The following REDIC1 variants were observed in gnomAD, a reference collection of about 807,000 sequenced individuals.
The protein encoded by REDIC1 is regulator of DNA class I crossover intermediates 1, also known as HEI10 Interacting Protein 1.
chr12:39,879,162 A>G, the REDIC1 span, among the ~76,000 whole-genome samples: 1 of 152,224 alleles, frequency 6.6e-6, no homozygotes, highest in African/African-American at 2.4e-5. Flanking sequence ...AAGATTTTGG[A>G]GGATGCGTGA....
chr12:39,886,690 T>C, the REDIC1 span, among the ~76,000 whole-genome samples: 2 of 152,324 alleles, frequency 1.3e-5, no homozygotes, highest in South Asian at 4.1e-4. Context: ...GAAATGCCCT[T>C]TTCATTTCCT....
the REDIC1 span, among the ~76,000 whole-genome samples, chr12:39,880,326 T>C: frequency 6.6e-6 from 1 of 152,222 alleles, no homozygotes; most frequent in Admixed American, 6.5e-5. Context: ...TTACTCAAGA[T>C]ACAAACATCT....
chr12:39,858,428 AT>A, the REDIC1 span, among the ~76,000 whole-genome samples: 1 of 152,100 alleles, frequency 6.6e-6, no homozygotes, highest in Non-Finnish European at 1.5e-5. Context: ...AAACAGATTC[AT>A]TTTATAGGAA....
the REDIC1 span, among the ~76,000 whole-genome samples, chr12:39,871,472 T>C: frequency 7.5e-6 from 1 of 133,114 alleles, no homozygotes; most frequent in Middle Eastern, 3.4e-3. Context: ...TTTTAGTTTT[T>C]CAAAAAAGGA....
chr12:39,779,618 GACA>G, the REDIC1 span, among the ~76,000 whole-genome samples: 1 of 152,132 alleles, frequency 6.6e-6, no homozygotes, highest in Non-Finnish European at 1.5e-5. Flanking sequence ...TTTGTCATCT[GACA>G]ACAATTTCTT....
the REDIC1 span, among the ~76,000 whole-genome samples, chr12:39,888,177 G>A: frequency 5.9e-5 from 9 of 152,200 alleles, no homozygotes; most frequent in African/African-American, 2.2e-4. Context: ...CCCAGTTCAT[G>A]GGAGAAAATG....
chr12:39,664,524 C>T, the REDIC1 span, among the ~76,000 whole-genome samples: 17 of 152,160 alleles, frequency 1.1e-4, no homozygotes, highest in East Asian at 3.3e-3. Flanking sequence ...TGAATAGTGC[C>T]ACAATAAACA....
At chr12:39,698,788 C>G in the REDIC1 span, among the ~76,000 whole-genome samples, 1 of 152,096 alleles carries the variant, frequency 6.6e-6, no homozygotes, top group Non-Finnish European at 1.5e-5. Flanking sequence ...TTCCTTGAAA[C>G]AAATGATAAT....
the REDIC1 span, among the ~76,000 whole-genome samples, chr12:39,898,986 C>A: frequency 6.6e-6 from 1 of 152,120 alleles, no homozygotes; most frequent in African/African-American, 2.4e-5. Context: ...CAGGATGATG[C>A]TGGCCTCATA....
the REDIC1 span, among the ~76,000 whole-genome samples, chr12:39,673,757 A>G: frequency 6.6e-6 from 1 of 152,168 alleles, no homozygotes; most frequent in African/African-American, 2.4e-5. Context: ...AAGGCATCCC[A>G]TCATGTGATC....
chr12:39,776,148 G>GT, the REDIC1 span, among the ~76,000 whole-genome samples: 1 of 152,224 alleles, frequency 6.6e-6, no homozygotes, highest in East Asian at 1.9e-4. Context: ...AGGCATTACA[G>GT]TTATTAGCCC....
chr12:39,873,157 T>A, the REDIC1 span, among the ~76,000 whole-genome samples: 1 of 152,204 alleles, frequency 6.6e-6, no homozygotes, highest in Non-Finnish European at 1.5e-5. Flanking sequence ...CTTTTTTAAA[T>A]TAATAAACCA....
At chr12:39,644,487 G>A in the REDIC1 span, among the ~76,000 whole-genome samples, 1 of 151,692 alleles carries the variant, frequency 6.6e-6, no homozygotes, top group Non-Finnish European at 1.5e-5. Flanking sequence ...AGGAACTTGT[G>A]TCTGATATTT....
chr12:39,674,732 GAC>G, the REDIC1 span, among the ~76,000 whole-genome samples: 1 of 152,170 alleles, frequency 6.6e-6, no homozygotes, highest in Non-Finnish European at 1.5e-5. Flanking sequence ...GAGCCCTGTA[GAC>G]ACTCCTGGTC....
At chr12:39,774,603 T>G in the REDIC1 span, among the ~76,000 whole-genome samples, 264 of 150,480 alleles carry the variant, frequency 1.8e-3, no homozygotes, top group African/African-American at 6.0e-3. Flanking sequence ...TTTTTTTTGG[T>G]TTTGTAATTT....
At chr12:39,740,428 T>C in the REDIC1 span, among the ~76,000 whole-genome samples, 1 of 152,234 alleles carries the variant, frequency 6.6e-6, no homozygotes, top group Non-Finnish European at 1.5e-5. Context: ...TAGGCTATAT[T>C]TCTTTCCAAA....
chr12:39,767,858 G>T, the REDIC1 span, among the ~76,000 whole-genome samples: 147,922 of 152,128 alleles, frequency 0.97, 71,916 homozygotes, highest in East Asian at 1. Flanking sequence ...TCTCCTTCCT[G>T]TCGCCATGTG....
chr12:39,814,965 ATTC>A, the REDIC1 span, among the ~76,000 whole-genome samples: 11 of 152,024 alleles, frequency 7.2e-5, no homozygotes, highest in African/African-American at 2.2e-4. Context: ...AAGTTTATGA[ATTC>A]TTCTTACACT....
the REDIC1 span, among the ~76,000 whole-genome samples, chr12:39,672,800 G>C: frequency 6.6e-6 from 1 of 152,128 alleles, no homozygotes; most frequent in Non-Finnish European, 1.5e-5. Flanking sequence ...GGGGCTCCAG[G>C]GATATGTAGA....
Sources: gnomAD v4.1 joint callset for allele counts (sites outside exome capture counted in the v4.1 genomes callset) on GRCh38, gnomAD v4.1.1 for gene constraint, MANE v1.5 for transcripts, NCBI Gene and HGNC (gene_info 2026-07-23, HGNC 2026-07-21) for gene names.